The following MAGI2 variants were observed in gnomAD, a reference collection of about 807,000 sequenced individuals.
MAGI2 encodes membrane associated guanylate kinase, WW and PDZ domain containing 2, also known as membrane-associated guanylate kinase, WW and PDZ domain-containing protein 2.
A neutral mutation model predicts 133.3 loss-of-function variants in MAGI2; 35 were observed. The observed-to-expected ratio is 0.26, with a 90% confidence interval of 0.20 to 0.35. The LOEUF (loss-of-function observed/expected upper bound fraction) is 0.35. MAGI2 is among the 10% of genes least tolerant of loss of function. The pLI is 1.00. For missense variants in MAGI2, 1,636 were observed against 1,863.4 expected (o/e 0.88, Z 2.25); for synonymous variants, 729 against 710.6 (o/e 1.03, Z -0.41).
intron 2 of MAGI2, among the ~76,000 whole-genome samples, chr7:78,738,708 T>C (rs1038588226): frequency 6.6e-6 from 1 of 152,176 alleles, no homozygotes; most frequent in Non-Finnish European, 1.5e-5. Flanking sequence ...AACTTCAATA[T>C]TGAGAATAAA....
At chr7:79,136,495 G>A (rs915720819) in intron 1 of MAGI2, among the ~76,000 whole-genome samples, 6 of 152,188 alleles carry the variant, frequency 3.9e-5, no homozygotes, top group African/African-American at 1.4e-4. Context: ...ATCAGCTGCT[G>A]AAATAACCTC....
At chr7:79,022,777 A>G (rs1353944480) in intron 1 of MAGI2, among the ~76,000 whole-genome samples, 1 of 152,146 alleles carries the variant, frequency 6.6e-6, no homozygotes, top group East Asian at 1.9e-4. Context: ...TTCTGAAAAC[A>G]TACACCATCC....
intron 1 of MAGI2, among the ~76,000 whole-genome samples, chr7:79,316,486 T>C (rs962283139): frequency 1.3e-5 from 2 of 152,238 alleles, no homozygotes; most frequent in Admixed American, 1.3e-4. Flanking sequence ...TATACATATG[T>C]ATATATTCAT....
intron 2 of MAGI2, among the ~76,000 whole-genome samples, chr7:78,909,117 G>GAAAAAA (rs377390532): frequency 1.8e-5 from 2 of 110,462 alleles, no homozygotes; most frequent in Admixed American, 9.3e-5. Context: ...AAATGTACAA[G>GAAAAAA]AAAAAAAAAA....
Position 79,122,305 on chromosome 7 carries a change from A to G in MAGI2, c.302-115099T>C, listed in dbSNP as rs371987341. On this transcript the variant is annotated intron_variant, in intron 1 of 21. Transcript: ENST00000354212. Reference sequence around the variant, plus strand: ...TACCTCTACACATGTCTCTCCAACTATCAGTCATTCATTAAGACAATGACC... The same window carrying G: ...TACCTCTACACATGTCTCTCCAACTGTCAGTCATTCATTAAGACAATGACC... Among the ~76,000 whole-genome samples the G allele has an allele frequency of 3.5e-4, 54 of 152,318 alleles. No homozygotes were observed. In the South Asian group the frequency reaches 0.011, roughly 30 times the overall value.
intron 21 of MAGI2, among the ~76,000 whole-genome samples, chr7:78,043,605 T>G (rs969095345): frequency 6.6e-6 from 1 of 152,208 alleles, no homozygotes; most frequent in Non-Finnish European, 1.5e-5. Context: ...GCCTTCTTCT[T>G]TTTTAGCCTT....
intron 1 of MAGI2, among the ~76,000 whole-genome samples, chr7:79,056,727 A>G (rs1813180071): frequency 1.3e-5 from 2 of 152,210 alleles, no homozygotes; most frequent in South Asian, 4.1e-4. Context: ...GAGTCATGGT[A>G]TATGTAATTA....
At chr7:78,516,129 A>C (rs1161065665) in intron 4 of MAGI2, among the ~76,000 whole-genome samples, 1 of 152,208 alleles carries the variant, frequency 6.6e-6, no homozygotes, top group Non-Finnish European at 1.5e-5. Context: ...TTTTGAATAA[A>C]GAGAATTCAA....
At chr7:79,251,833 C>G (rs112225319) in intron 1 of MAGI2, among the ~76,000 whole-genome samples, 8 of 152,058 alleles carry the variant, frequency 5.3e-5, no homozygotes, top group African/African-American at 1.9e-4. Flanking sequence ...TGTAAGCGAT[C>G]TAAATGTCCA....
At chr7:79,303,298 G>C (rs996167383) in intron 1 of MAGI2, among the ~76,000 whole-genome samples, 5 of 7,048 alleles carry the variant, frequency 7.1e-4, no homozygotes, top group African/African-American at 8.2e-4. Flanking sequence ...AAAAGCCATT[G>C]AAATAAAAAA....
chr7:79,079,838 T>TA (rs555201961), intron 1 of MAGI2, among the ~76,000 whole-genome samples: 4 of 152,088 alleles, frequency 2.6e-5, no homozygotes, highest in African/African-American at 9.7e-5. Context: ...GTATGCTCGT[T>TA]AAAAAAATGG....
intron 1 of MAGI2, among the ~76,000 whole-genome samples, chr7:79,036,156 C>A (rs1811105744): frequency 6.6e-6 from 1 of 152,170 alleles, no homozygotes; most frequent in Non-Finnish European, 1.5e-5. Context: ...AACTAAAGCC[C>A]ACATGTATAA....
intron 2 of MAGI2, among the ~76,000 whole-genome samples, chr7:78,656,406 G>A (rs577640164): frequency 2.1e-4 from 32 of 152,242 alleles, no homozygotes; most frequent in African/African-American, 5.1e-4. Context: ...TGGACCTGGA[G>A]GACATTATGC....
intron 1 of MAGI2, among the ~76,000 whole-genome samples, chr7:79,140,551 GA>G (rs1285460660): frequency 6.6e-6 from 1 of 152,040 alleles, no homozygotes; most frequent in African/African-American, 2.4e-5. Context: ...TTGAAATATG[GA>G]AAGGACGATG....
rs767534779 is a variant in MAGI2 at position 78,582,142 on chromosome 7, T to A, written c.538+44978A>T. ...TTTGAGTAGTGTGTCCTGAACCCCA[T>A]CAGGTAGCAAAAGCAGTTTTCTGCT... On this transcript the variant is annotated intron_variant, in intron 3 of 21. Coordinates refer to ENST00000354212, the MANE Select transcript of MAGI2 (RefSeq NM_012301.4). Among the ~76,000 whole-genome samples the A allele has an allele frequency of 5.9e-5, 9 of 152,174 alleles. 1 individual carries two copies. The highest frequency in any genetic ancestry group is 4.1e-4 in the South Asian group (2 of 4,826).
At chr7:79,142,826 T>C (rs1006425741) in intron 1 of MAGI2, among the ~76,000 whole-genome samples, 4 of 152,168 alleles carry the variant, frequency 2.6e-5, no homozygotes, top group African/African-American at 7.2e-5. Flanking sequence ...TCCCCAGTCA[T>C]GGTCCCTGTT....
intron 11 of MAGI2, among the ~76,000 whole-genome samples, chr7:78,195,285 T>C (rs919381484): frequency 2.6e-5 from 4 of 152,232 alleles, no homozygotes; most frequent in African/African-American, 7.2e-5. Flanking sequence ...TGCAAACTTA[T>C]CTATAACTTA....
chr7:78,586,345 A>T (rs1803406641), intron 3 of MAGI2, among the ~76,000 whole-genome samples: 1 of 152,144 alleles, frequency 6.6e-6, no homozygotes, highest in Non-Finnish European at 1.5e-5. Context: ...CAGGAGTTCC[A>T]GCTAAGAGTC....
At chr7:78,100,432 C>A (rs145283142) in intron 20 of MAGI2, among the ~76,000 whole-genome samples, 6 of 152,294 alleles carry the variant, frequency 3.9e-5, no homozygotes, top group South Asian at 4.1e-4. Context: ...CTCACTGCAG[C>A]CTTGACCTCC....
Sources: gnomAD v4.1 joint callset for allele counts (sites outside exome capture counted in the v4.1 genomes callset) on GRCh38, gnomAD v4.1.1 for gene constraint, MANE v1.5 for transcripts, NCBI Gene and HGNC (gene_info 2026-07-23, HGNC 2026-07-21) for gene names.